The following ZFHX3 variants were observed in gnomAD, a reference collection of about 807,000 sequenced individuals.
ZFHX3 encodes zinc finger homeobox 3.
A neutral mutation model predicts 279.1 loss-of-function variants in ZFHX3; 42 were observed. The ratio of observed to expected loss-of-function variants is 0.15; its 90% CI spans 0.12 to 0.19. The LOEUF is 0.19. Among genes scored for constraint, ZFHX3 ranks in the 10% least tolerant of loss-of-function variants. The pLI is 1.00. For missense variants in ZFHX3, 4,981 were observed against 4,754.0 expected (o/e 1.05, Z -1.40); for synonymous variants, 2,293 against 1,957.8 (o/e 1.17, Z -4.52).
At chr16:73,120,608 T>A (rs1966484776) in intron 7 of ZFHX3, among the ~76,000 whole-genome samples, 1 of 151,028 alleles carries the variant, frequency 6.6e-6, no homozygotes, top group African/African-American at 2.4e-5. Flanking sequence ...CCTTTCTTGA[T>A]ATTGTTTTTG....
chr16:73,563,155 G>GT (rs201383141), intron 2 of ZFHX3, among the ~76,000 whole-genome samples: 2,091 of 136,646 alleles, frequency 0.015, 58 homozygotes, highest in African/African-American at 0.053. Context: ...GTCTTTTTTT[G>GT]TTTTTTTTGT....
At chr16:72,955,214 C>T (rs1258212825) in intron 2 of ZFHX3, among the ~76,000 whole-genome samples, 4 of 152,112 alleles carry the variant, frequency 2.6e-5, no homozygotes, top group African/African-American at 7.2e-5. Context: ...TCCCCGTGGC[C>T]GACAAGTAGT....
At chr16:73,668,801 CAT>C (rs757419235) in intron 2 of ZFHX3, among the ~76,000 whole-genome samples, 4 of 152,146 alleles carry the variant, frequency 2.6e-5, no homozygotes, top group Non-Finnish European at 4.4e-5. Context: ...AGCCAACAAA[CAT>C]ATGAAGAAAA....
At chr16:73,645,023 G>C (rs2052605937) in intron 2 of ZFHX3, among the ~76,000 whole-genome samples, 1 of 152,224 alleles carries the variant, frequency 6.6e-6, no homozygotes, top group South Asian at 2.1e-4. Context: ...ACTGAACACA[G>C]TTTAGGGGAG....
At chr16:73,249,334 T>A (rs556046277) in intron 5 of ZFHX3, among the ~76,000 whole-genome samples, 1 of 152,236 alleles carries the variant, frequency 6.6e-6, no homozygotes, top group African/African-American at 2.4e-5. Context: ...TCTGTTCTCA[T>A]GCTGCTAATA....
chr16:73,837,539 T>A (rs1161873943), intron 1 of ZFHX3, among the ~76,000 whole-genome samples: 1 of 152,232 alleles, frequency 6.6e-6, no homozygotes, highest in East Asian at 1.9e-4. Context: ...ATGCCCATGC[T>A]CCAGAATCAC....
At chr16:72,912,077 G>A (rs947905990) in intron 3 of ZFHX3, among the ~76,000 whole-genome samples, 1 of 152,340 alleles carries the variant, frequency 6.6e-6, no homozygotes, top group East Asian at 1.9e-4. Flanking sequence ...AGGCGAGGCA[G>A]GAAAGGCTGA....
Position 72,811,622 on chromosome 16 carries a change from G to A in ZFHX3, c.3819C>T (p.His1273=), listed in dbSNP as rs752894785. The A allele has an allele frequency of 3.2e-5, 52 of 1,612,118 alleles. No homozygotes were observed. The highest frequency in any genetic ancestry group is 4.2e-5 in the Non-Finnish European group (50 of 1,178,972). Residue 1273 remains histidine (H), a synonymous_variant, in exon 7 of 10, where the codon CAC becomes CAT. Coordinates refer to ENST00000268489, the MANE Select transcript of ZFHX3 (RefSeq NM_006885.4). ...NKIHLQLHLT[H]LHSVAPDCVE... ...CGCAGTCAGGTGCCACGCTGTGGAG[G>A]TGGGTGAGGTGCAGCTGGAGGTGGA...
chr16:73,480,579 C>T (rs1036263632), intron 2 of ZFHX3, among the ~76,000 whole-genome samples: 2 of 152,162 alleles, frequency 1.3e-5, no homozygotes, highest in African/African-American at 2.4e-5. Flanking sequence ...GCAGAATGTG[C>T]CTGGAATGTT....
intron 1 of ZFHX3, among the ~76,000 whole-genome samples, chr16:73,818,310 A>G (rs953826202): frequency 6.6e-6 from 1 of 152,240 alleles, no homozygotes; most frequent in African/African-American, 2.4e-5. Flanking sequence ...AAAACCTGGC[A>G]ATAGGATTTC....
chr16:73,085,814 G>A (rs757693145), intron 8 of ZFHX3, among the ~76,000 whole-genome samples: 2 of 151,874 alleles, frequency 1.3e-5, no homozygotes, highest in Non-Finnish European at 2.9e-5. Context: ...GGCATCAAAA[G>A]CAAAATTAGA....
intron 1 of ZFHX3, among the ~76,000 whole-genome samples, chr16:73,887,121 G>A (rs2030372532): frequency 6.6e-6 from 1 of 152,130 alleles, no homozygotes; most frequent in African/African-American, 2.4e-5. Flanking sequence ...GCGATGGTAA[G>A]GATTAATAAA....
In ZFHX3 at chr16:72,796,267, T is replaced by C. The variant is rs1481899228; in HGVS notation, c.6415A>G (p.Thr2139Ala). ...CTCTTGTTCTGCTGCTGGAGCAGGG[T>C]TGGATTGAGCTGATGCTGGTAGAGT... ...AQLYQHQLNP[T>A]LLQQQNKRPR... The change falls in exon 9 of 10, where the codon ACC (threonine) becomes GCC (alanine). Residue 2139 changes from threonine (T) to alanine (A), a missense_variant. By Grantham distance (58) the Thr-to-Ala change is moderately conservative. This residue lies in a region of ZFHX3 where 1,751 missense variants were observed against 1,770.0 expected (regional missense o/e 0.99). Transcript: ENST00000268489. 3.1e-6 allele frequency: 5 copies of C among 1,613,630 alleles called. No homozygotes were observed. Among genetic ancestry groups the C allele is most frequent in the Non-Finnish European group, 4.2e-6 (5 of 1,179,890 alleles).
rs1334214307 is a variant in ZFHX3, at chr16:73,202,948, CT to C, written c.-1104+54098del. On this transcript the variant is annotated intron_variant, in intron 5 of 17. Coordinates refer to the ZFHX3 transcript ENST00000641206. ...TTTTTGCCTCCACGCCTTGACATAA[CT>C]TTTTTTTTTCTTTTTCGTTCCTATC... Among the ~76,000 whole-genome samples the C allele has an allele frequency of 5.1e-4, 54 of 105,322 alleles. No individual in the cohort carries two copies. In the Middle Eastern group the frequency reaches 0.017, roughly 34 times the overall value. 69.1% of individuals were successfully genotyped at this position (105,322 alleles called of 152,430 possible). A position where few individuals can be genotyped will look rare whatever the true frequency, so the allele number is the denominator to read the frequency against.
At chr16:73,700,824 T>G (rs1339792460) in intron 1 of ZFHX3, among the ~76,000 whole-genome samples, 1 of 152,210 alleles carries the variant, frequency 6.6e-6, no homozygotes, top group Non-Finnish European at 1.5e-5. Context: ...AAGTGCAAGA[T>G]GTACTTTTAT....
chr16:73,358,093 C>A (rs1567459806), intron 3 of ZFHX3, among the ~76,000 whole-genome samples: 1 of 152,228 alleles, frequency 6.6e-6, no homozygotes, highest in Non-Finnish European at 1.5e-5. Context: ...GCTGGGCTAA[C>A]TCTTCTGTAT....
intron 2 of ZFHX3, among the ~76,000 whole-genome samples, chr16:73,617,787 C>A (rs1461267844): frequency 6.6e-6 from 1 of 151,998 alleles, no homozygotes; most frequent in Non-Finnish European, 1.5e-5. Context: ...TTTAAAAAAT[C>A]TCACTCAAAT....
intron 7 of ZFHX3, among the ~76,000 whole-genome samples, chr16:73,121,618 C>CT (rs35251426): frequency 0.22 from 30,960 of 140,206 alleles, 3,464 homozygotes; most frequent in South Asian, 0.29. Flanking sequence ...TTGCAGCTTT[C>CT]TTTTTTTTTT....
At chr16:72,980,681 G>T (rs78220022) in intron 1 of ZFHX3, among the ~76,000 whole-genome samples, 9,043 of 152,110 alleles carry the variant, frequency 0.059, 307 homozygotes, top group Non-Finnish European at 0.075. Flanking sequence ...TGAGACCAGG[G>T]AGGTCAAGGC....
Sources: gnomAD v4.1 joint callset for allele counts (sites outside exome capture counted in the v4.1 genomes callset) on GRCh38, gnomAD v4.1.1 for gene constraint, gnomAD v4.1.1 regional missense constraint, MANE v1.5 for transcripts, NCBI Gene and HGNC (gene_info 2026-07-23, HGNC 2026-07-21) for gene names.